Variants in PRKG1 observed in about 807,000 individuals in gnomAD.
The protein encoded by PRKG1 is cGMP-dependent protein kinase 1.
A neutral mutation model predicts 88.1 loss-of-function variants in PRKG1; 35 were observed. That is an observed-to-expected ratio of 0.40 (90% CI 0.30 to 0.53). The LOEUF is 0.53. Among genes scored for constraint, PRKG1 ranks in the 20% least tolerant of loss-of-function variants. The pLI is 0.59. For synonymous variants in PRKG1, 303 were observed against 292.5 expected (o/e 1.04, Z -0.37); for missense variants, 540 against 839.8 (o/e 0.64, Z 4.41).
intron 5 of PRKG1, among the ~76,000 whole-genome samples, chr10:51,944,841 C>A (rs994588842): frequency 6.6e-6 from 1 of 151,906 alleles, no homozygotes; most frequent in African/African-American, 2.4e-5. Flanking sequence ...AATTTCTGTT[C>A]TTTTACATTT....
At chr10:52,093,535 A>G (rs966214185) in intron 7 of PRKG1, among the ~76,000 whole-genome samples, 2 of 152,202 alleles carry the variant, frequency 1.3e-5, no homozygotes, top group Admixed American at 1.3e-4. Context: ...ACTTCTTTAC[A>G]GGAAAAGGAA....
intron 3 of PRKG1, among the ~76,000 whole-genome samples, chr10:51,754,530 C>T (rs920138863): frequency 2.6e-5 from 4 of 152,164 alleles, no homozygotes; most frequent in African/African-American, 9.7e-5. Flanking sequence ...GAAGCAAGCT[C>T]ATAGTTGGAA....
intron 3 of PRKG1, among the ~76,000 whole-genome samples, chr10:51,604,968 T>C (rs1450087149): frequency 3.3e-5 from 5 of 152,206 alleles, no homozygotes. Flanking sequence ...AGACCACATA[T>C]GGGCTGGAAG....
intron 2 of PRKG1, among the ~76,000 whole-genome samples, chr10:51,426,143 G>T (rs1447475157): frequency 2.0e-5 from 3 of 152,066 alleles, no homozygotes; most frequent in African/African-American, 2.4e-5. Context: ...CAGATGTGGT[G>T]ATGCGCACCC....
At chr10:51,205,802 G>A (rs1463614797) in intron 2 of PRKG1, among the ~76,000 whole-genome samples, 1 of 152,160 alleles carries the variant, frequency 6.6e-6, no homozygotes, top group Non-Finnish European at 1.5e-5. Flanking sequence ...CCAAAGTGCT[G>A]GGATTACAGG....
intron 9 of PRKG1, among the ~76,000 whole-genome samples, chr10:52,171,140 GGTTTTGTT>G (rs1838661675): frequency 2.3e-5 from 1 of 43,760 alleles, no homozygotes; most frequent in Non-Finnish European, 8.1e-5. Flanking sequence ...TTTTTTTTTT[GGTTTTGTT>G]TTTTTTTTTG....
intron 2 of PRKG1, among the ~76,000 whole-genome samples, chr10:51,210,389 C>T (rs1269477195): frequency 6.6e-6 from 1 of 152,082 alleles, no homozygotes; most frequent in African/African-American, 2.4e-5. Context: ...GACACCCTAA[C>T]ATCACAATTA....
intron 6 of PRKG1, among the ~76,000 whole-genome samples, chr10:52,059,221 A>G (rs1480482170): frequency 2.0e-5 from 3 of 152,000 alleles, no homozygotes; most frequent in Non-Finnish European, 4.4e-5. Flanking sequence ...GCTCCTGGGA[A>G]TGCAAAATGG....
intron 7 of PRKG1, among the ~76,000 whole-genome samples, chr10:52,131,312 G>A (rs975876483): frequency 5.3e-5 from 8 of 152,238 alleles, no homozygotes; most frequent in South Asian, 2.1e-4. Context: ...ATAAATACAC[G>A]TATTAATATA....
chr10:52,107,824 A>G (rs1847461460), intron 7 of PRKG1, among the ~76,000 whole-genome samples: 1 of 152,192 alleles, frequency 6.6e-6, no homozygotes, highest in Non-Finnish European at 1.5e-5. Context: ...AAATTCTGCT[A>G]CTTACTGCTT....
At chr10:51,886,565 G>A (rs752067092) in intron 4 of PRKG1, among the ~76,000 whole-genome samples, 16 of 152,044 alleles carry the variant, frequency 1.1e-4, no homozygotes, top group Non-Finnish European at 2.1e-4. Context: ...TTTAAATCAC[G>A]GGCAACTTGG....
intron 2 of PRKG1, among the ~76,000 whole-genome samples, chr10:51,386,497 C>T (rs1837252032): frequency 6.6e-6 from 1 of 152,106 alleles, no homozygotes; most frequent in South Asian, 2.1e-4. Context: ...ACAGTGCATG[C>T]TTCATTCCAA....
intron 5 of PRKG1, among the ~76,000 whole-genome samples, chr10:52,000,581 G>A (rs1844568518): frequency 2.0e-5 from 3 of 152,026 alleles, no homozygotes. Context: ...TACAGAATTG[G>A]TTGTGAATGA....
Position 51,153,331 on chromosome 10 carries a change from G to A in PRKG1, c.478+1G>A. The A allele has an allele frequency of 6.3e-7, 1 of 1,595,744 alleles. No homozygotes were observed. The highest frequency in any genetic ancestry group is 8.5e-7 in the Non-Finnish European group (1 of 1,169,804). On this transcript the variant is annotated splice_donor_variant, in intron 2 of 17. Coordinates refer to ENST00000373980, the MANE Select transcript of PRKG1 (RefSeq NM_006258.4). LOFTEE classifies it high-confidence loss of function. ...GGGTCACTGGTGTATGTCATGGAAG[G>A]TACGGTTTGTAACTCCAATCCTCTG...
At chr10:51,728,640 G>A (rs992483172) in intron 3 of PRKG1, among the ~76,000 whole-genome samples, 2 of 151,718 alleles carry the variant, frequency 1.3e-5, no homozygotes, top group African/African-American at 4.8e-5. Context: ...ACTAGTGCCT[G>A]GCACATAAAA....
At chr10:51,544,144 G>A (rs910029894) in intron 3 of PRKG1, among the ~76,000 whole-genome samples, 5 of 151,960 alleles carry the variant, frequency 3.3e-5, no homozygotes, top group Middle Eastern at 3.4e-3. Flanking sequence ...ATGTTGGTGT[G>A]CTGCATCCAT....
chr10:52,196,737 G>A (rs1338060222), intron 9 of PRKG1, among the ~76,000 whole-genome samples: 1 of 152,046 alleles, frequency 6.6e-6, no homozygotes, highest in Non-Finnish European at 1.5e-5. Flanking sequence ...GGATCTATTA[G>A]AAGTAGATAA....
intron 9 of PRKG1, among the ~76,000 whole-genome samples, chr10:52,220,711 C>T (rs1840222352): frequency 6.6e-6 from 1 of 152,002 alleles, no homozygotes; most frequent in Non-Finnish European, 1.5e-5. Flanking sequence ...GGATAATGGC[C>T]TCCACCTCCA....
intron 5 of PRKG1, among the ~76,000 whole-genome samples, chr10:51,958,884 G>T (rs887009376): frequency 1.3e-5 from 2 of 152,050 alleles, no homozygotes; most frequent in African/African-American, 4.8e-5. Context: ...GGGCCTTCTA[G>T]TCCAAGCCCA....
Sources: gnomAD v4.1 joint callset for allele counts (sites outside exome capture counted in the v4.1 genomes callset) on GRCh38, gnomAD v4.1.1 for gene constraint, MANE v1.5 for transcripts, NCBI Gene and HGNC (gene_info 2026-07-23, HGNC 2026-07-21) for gene names.